The following R3HCC1L variants were observed in gnomAD, a reference collection of about 807,000 sequenced individuals.
R3HCC1L encodes the protein coiled-coil domain-containing protein R3HCC1L.
A neutral mutation model predicts 59.9 loss-of-function variants in R3HCC1L; 51 were observed. The ratio of observed to expected loss-of-function variants is 0.85; its 90% CI spans 0.68 to 1.07. The LOEUF (loss-of-function observed/expected upper bound fraction) is 1.07, where lower values mean the gene tolerates loss of function less well. Among genes scored for constraint, R3HCC1L ranks in the 50% least tolerant of loss-of-function variants. R3HCC1L has a pLI of 0.00. For synonymous variants in R3HCC1L, 322 were observed against 315.2 expected, an observed-to-expected ratio of 1.02 and a Z score of -0.23; for missense variants, 965 against 933.0, an observed-to-expected ratio of 1.03 and a Z score of -0.45.
chr10:98,227,569 A>AGT (rs1476857498), intron 5 of R3HCC1L, among the ~76,000 whole-genome samples: 58 of 104,550 alleles, frequency 5.5e-4, no homozygotes, highest in African/African-American at 1.9e-3. Context: ...GGTCATCAGC[A>AGT]GTGTGTGTTT....
intron 1 of R3HCC1L, among the ~76,000 whole-genome samples, chr10:98,140,187 TAAAG>T (rs1266040369): frequency 1.3e-5 from 2 of 152,146 alleles, no homozygotes; most frequent in South Asian, 2.1e-4. Flanking sequence ...AGAAGACTAT[TAAAG>T]AAAGAAGGGA....
chr10:98,158,146 A>G (rs994604604), intron 2 of R3HCC1L, among the ~76,000 whole-genome samples: 2 of 152,226 alleles, frequency 1.3e-5, no homozygotes, highest in Non-Finnish European at 2.9e-5. Context: ...GCTGCCCACT[A>G]TTAACAGATC....
rs1237885167 is a variant in R3HCC1L, at chr10:98,142,949, CAAACA to C, written c.-268+8262_-268+8266del. 1.7e-3 allele frequency among the ~76,000 whole-genome samples: 254 copies of C among 146,770 alleles called. 1 individual carries two copies. Among genetic ancestry groups the C allele is most frequent in the African/African-American group, 5.6e-3 (228 of 40,838 alleles). On this transcript the variant is annotated intron_variant, in intron 1 of 9. Coordinates refer to ENST00000298999, the MANE Select transcript of R3HCC1L (RefSeq NM_001351015.2). The stretch of plus-strand genomic sequence containing the variant: ...GACTCTGTCTCCAAAAAAAAACAAA[CAAACA>C]AAACAAAACAAAACAAAAAAAAAAC...
chr10:98,135,159 G>T (rs1844427534), intron 1 of R3HCC1L, among the ~76,000 whole-genome samples: 1 of 152,240 alleles, frequency 6.6e-6, no homozygotes, highest in South Asian at 2.1e-4. Context: ...CGGGCTACGG[G>T]CTGGGAGTGA....
At chr10:98,150,868 A>G (rs1421322365) in intron 1 of R3HCC1L, among the ~76,000 whole-genome samples, 1 of 152,006 alleles carries the variant, frequency 6.6e-6, no homozygotes, top group Non-Finnish European at 1.5e-5. Flanking sequence ...TACTCCCAAA[A>G]CTGCCTGTAA....
At position 98,231,619 on chromosome 10, in the gene R3HCC1L, C is replaced by G; in HGVS notation, c.1893C>G (p.Val631=). 6.2e-7 allele frequency: 1 copy of G among 1,612,602 alleles called. No individual in the cohort carries two copies. The highest frequency in any genetic ancestry group is 8.5e-7 in the Non-Finnish European group (1 of 1,178,864). The change falls in exon 6 of 10, where the codon GTC becomes GTG. Residue 631 remains valine, a synonymous_variant. Transcript: ENST00000298999. ...IDLSDCEFPH[V]IEIYDFPQEF... is the part of the protein sequence containing the mutation. Reference sequence around the variant, plus strand: ...TCAGTGATTGTGAATTCCCACATGTCATTGAAATTTATGACTTTCCCCAAG... The same window carrying G: ...TCAGTGATTGTGAATTCCCACATGTGATTGAAATTTATGACTTTCCCCAAG...
chr10:98,213,321 C>G (rs191088550), intron 5 of R3HCC1L, among the ~76,000 whole-genome samples: 1 of 152,162 alleles, frequency 6.6e-6, no homozygotes, highest in East Asian at 1.9e-4. Context: ...GTTAAAGGCA[C>G]TGTGCTGCAT....
chr10:98,208,862 A>T lies in R3HCC1L; in HGVS notation c.748A>T (p.Met250Leu). ...TGATTCTGAAATTGTACAACAAAGC[A>T]TGCAAACATCAGATGGAATATTGAA... The part of the protein sequence containing the change: ...SSDSEIVQQS[M>L]QTSDGILNPS... Residue 250 changes from methionine to leucine, a missense_variant, in exon 5 of 10, where the codon ATG becomes TTG. Transcript: ENST00000298999. The T allele has an allele frequency of 1.2e-6, 2 of 1,614,182 alleles. No individual in the cohort carries two copies. The highest frequency in any genetic ancestry group is 1.7e-6 in the Non-Finnish European group (2 of 1,180,016).
chr10:98,155,802 G>GT (rs71488851), intron 1 of R3HCC1L, among the ~76,000 whole-genome samples: 3,286 of 142,514 alleles, frequency 0.023, 36 homozygotes, highest in Non-Finnish European at 0.026. Context: ...TGATTTACTG[G>GT]TTTTTTTTTT....
At chr10:98,173,457 A>T (rs1363295336) in intron 4 of R3HCC1L, among the ~76,000 whole-genome samples, 1 of 152,060 alleles carries the variant, frequency 6.6e-6, no homozygotes, top group Non-Finnish European at 1.5e-5. Context: ...TGTACCGGAG[A>T]TGCTTCGGAA....
rs149413969 is a variant in R3HCC1L at position 98,163,627 on chromosome 10, C to T, written c.-15+230C>T. On this transcript the variant is annotated intron_variant, in intron 4 of 9. Transcript: ENST00000298999. ...TTTGTAGTAGAGAGGAGAACAGGGG[C>T]TGTTTAAATATTGGGATTCGTTTTC... Among the ~76,000 whole-genome samples, 824 of 152,278 alleles carry T rather than the reference C, an allele frequency of 5.4e-3. 3 individuals carry two copies. The highest frequency in any genetic ancestry group is 0.019 in the South Asian group (91 of 4,818).
At chr10:98,226,087 G>T (rs1198263892) in intron 5 of R3HCC1L, among the ~76,000 whole-genome samples, 2 of 152,142 alleles carry the variant, frequency 1.3e-5, no homozygotes, top group Admixed American at 1.3e-4. Flanking sequence ...CAGTTTGCCT[G>T]CCTGGGCCTC....
At chr10:98,135,131 T>G (rs1844420356) in intron 1 of R3HCC1L, among the ~76,000 whole-genome samples, 1 of 152,214 alleles carries the variant, frequency 6.6e-6, no homozygotes, top group Non-Finnish European at 1.5e-5. Context: ...TTGAGCCTCC[T>G]CCGCTGCCCG....
intron 5 of R3HCC1L, among the ~76,000 whole-genome samples, chr10:98,221,789 A>G (rs372862025): frequency 4.6e-5 from 7 of 151,958 alleles, no homozygotes; most frequent in Admixed American, 1.3e-4. Flanking sequence ...TAGCCTTGTA[A>G]TATAGTTTGA....
Position 98,222,535 on chromosome 10 carries a change from T to C in R3HCC1L, c.1786-8977T>C, listed in dbSNP as rs1372794074. On this transcript the variant is annotated intron_variant, in intron 5 of 9. Coordinates refer to ENST00000298999, the MANE Select transcript of R3HCC1L (RefSeq NM_001351015.2). ...GTGGGTTTGTCATAGATAGCTCTTA[T>C]TATTTTGAAATACGTCCCATCAATA... 9.9e-5 allele frequency among the ~76,000 whole-genome samples: 15 copies of C among 152,210 alleles called. No individual in the cohort carries two copies. In the South Asian group the frequency reaches 3.1e-3, roughly 32 times the overall value.
At chr10:98,234,701 G>T (rs1856727617) in intron 7 of R3HCC1L, among the ~76,000 whole-genome samples, 185 bp downstream of exon 7, 1 of 152,150 alleles carries the variant, frequency 6.6e-6, no homozygotes, top group African/African-American at 2.4e-5. Flanking sequence ...TTAGTCCAGT[G>T]GTATTTGGAG....
chr10:98,218,514 G>C (rs1260522053), intron 5 of R3HCC1L, among the ~76,000 whole-genome samples: 2 of 152,070 alleles, frequency 1.3e-5, no homozygotes, highest in African/African-American at 4.8e-5. Context: ...TTGATACTTT[G>C]TATTTTCTTA....
chr10:98,197,303 A>T (rs564192832), intron 4 of R3HCC1L, among the ~76,000 whole-genome samples: 181 of 151,818 alleles, frequency 1.2e-3, no homozygotes, highest in African/African-American at 4.1e-3. Context: ...GAGTTTTTGC[A>T]CGTGTTCATT....
At chr10:98,215,826 CT>C (rs149637929) in intron 5 of R3HCC1L, among the ~76,000 whole-genome samples, 1 of 152,184 alleles carries the variant, frequency 6.6e-6, no homozygotes, top group East Asian at 1.9e-4. Context: ...AAGGATATAT[CT>C]TAGAATTGAT....
Sources: allele counts gnomAD v4.1 joint callset (sites outside exome capture counted in the v4.1 genomes callset), GRCh38; gene constraint gnomAD v4.1.1; transcripts MANE v1.5; gene names NCBI Gene and HGNC (gene_info 2026-07-23, HGNC 2026-07-21).